Variants in CDC27 observed in about 807,000 individuals in gnomAD.
CDC27 encodes cell division cycle 27, also known as cell division cycle protein 27 homolog.
In CDC27, 27 loss-of-function variants were observed where a neutral mutation model predicts 109.7. That is an observed-to-expected ratio of 0.25 (90% CI 0.18 to 0.34). CDC27 has a LOEUF of 0.34. Among genes scored for constraint, CDC27 ranks in the 10% least tolerant of loss-of-function variants. The pLI, the probability that CDC27 is intolerant of heterozygous loss-of-function variation, is 1.00. For synonymous variants in CDC27, 266 were observed against 333.9 expected, an observed-to-expected ratio of 0.80 and a Z score of 2.22; for missense variants, 579 against 960.2, an observed-to-expected ratio of 0.60 and a Z score of 5.25.
At chr17:47,142,544 T>A in intron 10 of CDC27, 108 bp from the exon 11 acceptor site, 1 of 519,126 alleles carries the variant, frequency 1.9e-6, no homozygotes, top group Non-Finnish European at 3.4e-6. Flanking sequence ...CTTGATTAAT[T>A]CTATATTTTT....
At chr17:47,167,685 G>A (rs1357676784) in intron 4 of CDC27, among the ~76,000 whole-genome samples, 1 of 152,124 alleles carries the variant, frequency 6.6e-6, no homozygotes, top group Admixed American at 6.5e-5. Context: ...CAATACAGAA[G>A]ACTTCTGTGA....
chr17:47,173,103 C>A (rs1380364049), intron 2 of CDC27, among the ~76,000 whole-genome samples: 1 of 152,160 alleles, frequency 6.6e-6, no homozygotes, highest in African/African-American at 2.4e-5. Flanking sequence ...AGTTTGAGAA[C>A]CACTGTTGTA....
chr17:47,189,234 G>A lies in CDC27; in HGVS notation c.-62C>T, dbSNP rs1003665324. On this transcript the variant is annotated 5_prime_UTR_variant, in exon 1 of 19. Coordinates refer to ENST00000066544, the MANE Select transcript of CDC27 (RefSeq NM_001256.6). Reference sequence around the variant, plus strand: ...GCCCCCCCTGTAGCGGCTCCGGCCCGGCCAGCCCCTGCTCATTTAAACTCA... The same window carrying A: ...GCCCCCCCTGTAGCGGCTCCGGCCCAGCCAGCCCCTGCTCATTTAAACTCA... 4 of 1,319,398 alleles carry A rather than the reference G, an allele frequency of 3.0e-6. No homozygotes were observed. The highest frequency in any genetic ancestry group is 2.9e-5 in the African/African-American group (2 of 69,396). The allele number at this position is 1,319,398 out of a possible 1,614,324, so 81.7% of individuals were successfully genotyped here.
At chr17:47,133,995 C>T (rs1480371529) in intron 14 of CDC27, among the ~76,000 whole-genome samples, 1 of 152,158 alleles carries the variant, frequency 6.6e-6, no homozygotes, top group African/African-American at 2.4e-5. Flanking sequence ...AAGTGATCTG[C>T]TTGTCCCAGC....
chr17:47,137,066 G>T, intron 14 of CDC27, 86 bp downstream of exon 14: 1 of 659,090 alleles, frequency 1.5e-6, no homozygotes. Context: ...CCAAATTCAT[G>T]ATAATAAAGA....
At chr17:47,147,877 G>T (rs2063020590) in intron 9 of CDC27, among the ~76,000 whole-genome samples, 1 of 149,314 alleles carries the variant, frequency 6.7e-6, no homozygotes, top group Non-Finnish European at 1.5e-5. Context: ...CTCCAGCCTG[G>T]GTGACAGTGA....
At chr17:47,145,400 A>G (rs1379792238) in intron 9 of CDC27, among the ~76,000 whole-genome samples, 1 of 152,162 alleles carries the variant, frequency 6.6e-6, no homozygotes, top group Non-Finnish European at 1.5e-5. Context: ...TTCAGTTGAA[A>G]ATTGATCAGT....
chr17:47,132,966 G>T lies in CDC27; in HGVS notation c.1914-592C>A, dbSNP rs866936277. 1.5e-4 allele frequency among the ~76,000 whole-genome samples: 17 copies of T among 116,708 alleles called. No individual in the cohort carries two copies. In the South Asian group the frequency reaches 3.7e-3, roughly 25 times the overall value. 76.6% of individuals were successfully genotyped at this position (116,708 alleles called of 152,430 possible). A position where few individuals can be genotyped will look rare whatever the true frequency, so the allele number is the denominator to read the frequency against. ...TTTTTGTATTTTTTGTAGAGATGGG[G>T]TTTTGCCATGTTGCCCAGGCGCATA... On this transcript the variant is annotated intron_variant, in intron 14 of 18. Coordinates refer to ENST00000066544, the MANE Select transcript of CDC27 (RefSeq NM_001256.6).
At chr17:47,184,870 T>G (rs758698620) in intron 1 of CDC27, among the ~76,000 whole-genome samples, 10 of 152,228 alleles carry the variant, frequency 6.6e-5, no homozygotes, top group Non-Finnish European at 1.3e-4. Flanking sequence ...GGGCCTTCCC[T>G]TAAAAGAACA....
chr17:47,123,804 C>T, intron 17 of CDC27, 82 bp downstream of exon 17: 3 of 961,986 alleles, frequency 3.1e-6, no homozygotes, highest in South Asian at 1.7e-5. Flanking sequence ...TAGATATGTA[C>T]AGGAAGTATT....
chr17:47,142,150 C>G, intron 11 of CDC27, 79 bp downstream of exon 11: 1 of 1,106,648 alleles, frequency 9.0e-7, no homozygotes, highest in South Asian at 1.7e-5. Flanking sequence ...AATGAAGGTA[C>G]TGTAATGAAC....
chr17:47,168,037 T>C (rs1248920044), intron 4 of CDC27, among the ~76,000 whole-genome samples: 1 of 152,194 alleles, frequency 6.6e-6, no homozygotes, highest in East Asian at 1.9e-4. Context: ...GGAGCTTCCA[T>C]GGCCTCTCCA....
At chr17:47,165,754 T>TTTTTTCTAAAAG (rs1327206840) in intron 4 of CDC27, among the ~76,000 whole-genome samples, 3 of 152,194 alleles carry the variant, frequency 2.0e-5, no homozygotes, top group Non-Finnish European at 2.9e-5. Context: ...TCATAAAGAT[T>TTTTTTCTAAAAG]TTTTTCTAAA....
intron 1 of CDC27, 61 bp downstream of exon 1, chr17:47,189,085 T>C (rs947900545): frequency 4.6e-5 from 73 of 1,577,384 alleles, no homozygotes; most frequent in Non-Finnish European, 6.3e-5. Context: ...GGAGTGGCCC[T>C]ACGCTGCTGC....
rs1048348706 is a variant in CDC27 at position 47,119,751 on chromosome 17, T to C, written c.*1184A>G. On this transcript the variant is annotated 3_prime_UTR_variant, in exon 19 of 19. Transcript: ENST00000066544. ...TTTCCAAAGACACCAATCTATATTA[T>C]GACAAACTCAGAAGAGAACCTATCT... 6.6e-6 allele frequency: 1 copy of C among 152,206 alleles called. No homozygotes were observed. The highest frequency in any genetic ancestry group is 1.5e-5 in the Non-Finnish European group (1 of 68,034). The allele number at this position is 152,206 out of a possible 1,614,324, so 9.4% of individuals were successfully genotyped here.
At chr17:47,185,198 A>G (rs1270558067) in intron 1 of CDC27, among the ~76,000 whole-genome samples, 1 of 151,760 alleles carries the variant, frequency 6.6e-6, no homozygotes, top group Non-Finnish European at 1.5e-5. Context: ...TTTTTTTTTG[A>G]GACAGAGTCT....
At chr17:47,148,700 C>A (rs1265711246) in intron 9 of CDC27, among the ~76,000 whole-genome samples, 1 of 152,016 alleles carries the variant, frequency 6.6e-6, no homozygotes, top group Non-Finnish European at 1.5e-5. Flanking sequence ...TATAGAGGAA[C>A]AAAAATGAGA....
chr17:47,143,972 G>T lies in CDC27; in HGVS notation c.1081C>A (p.Gln361Lys). The change falls in exon 10 of 19, where the codon CAG becomes AAG. Residue 361 changes from glutamine (Q) to lysine (K), a missense_variant. Gln to Lys is a moderately conservative substitution (Grantham distance 53). Transcript: ENST00000066544. Reference protein sequence around the residue: ...SSGPQTSTTPQVLSPTITSPP... With the variant: ...SSGPQTSTTPKVLSPTITSPP... ...GATGTAATAGTGGGGCTCAATACCT[G>T]AGGTGTTGTACTAAAAAAAAATTAT... The T allele has an allele frequency of 7.0e-7, 1 of 1,437,654 alleles. No individual in the cohort carries two copies. The highest frequency in any genetic ancestry group is 9.2e-7 in the Non-Finnish European group (1 of 1,082,392). 89.1% of individuals were successfully genotyped at this position (1,437,654 alleles called of 1,614,324 possible).
rs118142526 is a variant in CDC27, at chr17:47,135,866, G to T, written c.1913+1286C>A. Among the ~76,000 whole-genome samples, 648 of 152,278 alleles carry T rather than the reference G, an allele frequency of 4.3e-3. 23 individuals are homozygous for T. In the East Asian group the frequency reaches 0.073, roughly 17 times the overall value. On this transcript the variant is annotated intron_variant, in intron 14 of 18. Transcript: ENST00000066544. ...TTATTAAGAACTGAGTTCCTGGCCG[G>T]GTATGGTGGCTCATGCCTGTAATCC...
Sources: allele counts gnomAD v4.1 joint callset (sites outside exome capture counted in the v4.1 genomes callset), GRCh38; gene constraint gnomAD v4.1.1; transcripts MANE v1.5; gene names NCBI Gene and HGNC (gene_info 2026-07-23, HGNC 2026-07-21).